The following SORL1 variants were observed in gnomAD, a reference collection of about 807,000 sequenced individuals.
SORL1 encodes sortilin-related receptor.
In SORL1, 127 loss-of-function variants were observed where a neutral mutation model predicts 273.7. The observed-to-expected ratio is 0.46, with a 90% CI of 0.40 to 0.54. The LOEUF (loss-of-function observed/expected upper bound fraction) is 0.54. Ranked by LOEUF, SORL1 falls within the 20% of genes least tolerant of loss-of-function variation. SORL1 has a pLI of 0.00. For synonymous variants in SORL1, 1,031 were observed against 1,067.4 expected, an observed-to-expected ratio of 0.97 and a Z score of 0.66; for missense variants, 2,494 against 2,846.1, an observed-to-expected ratio of 0.88 and a Z score of 2.81.
intron 1 of SORL1, among the ~76,000 whole-genome samples, chr11:121,466,954 A>G (rs1375174598): frequency 1.3e-5 from 2 of 152,184 alleles, no homozygotes; most frequent in Non-Finnish European, 2.9e-5. Flanking sequence ...TTCCTTAAAA[A>G]AAAGAAGAGA....
At chr11:121,553,753 C>T (rs780223283) in intron 16 of SORL1, among the ~76,000 whole-genome samples, 184 bp from the exon 17 acceptor site, 1 of 152,188 alleles carries the variant, frequency 6.6e-6, no homozygotes, top group East Asian at 1.9e-4. Flanking sequence ...AAGTAACTTG[C>T]CTGAGGCAGA....
chr11:121,573,620 A>G (rs1368968152), intron 23 of SORL1, among the ~76,000 whole-genome samples: 1 of 152,228 alleles, frequency 6.6e-6, no homozygotes, highest in Non-Finnish European at 1.5e-5. Flanking sequence ...CTCAAAAAAC[A>G]GAAAAACAAA....
intron 11 of SORL1, 105 bp from the exon 12 acceptor site, chr11:121,532,359 T>C (rs1862213933): frequency 1.1e-6 from 1 of 934,352 alleles, no homozygotes; most frequent in Non-Finnish European, 1.7e-6. Flanking sequence ...TTGTCATTGC[T>C]GTTATGTCTA....
rs541484548 is a variant in SORL1 at position 121,618,645 on chromosome 11, T to C, written c.5605-129T>C. On this transcript the variant is annotated intron_variant, in intron 41 of 47. Transcript: ENST00000260197. Reference sequence around the variant, plus strand: ...TTCTCTGTAAATGCTGTAAATGTAATAAATGTTGAATGAAGACTTCTCTGT... The same window carrying C: ...TTCTCTGTAAATGCTGTAAATGTAACAAATGTTGAATGAAGACTTCTCTGT... 84 of 1,121,524 alleles carry C rather than the reference T, an allele frequency of 7.5e-5. 1 individual carries two copies. In the Admixed American group the frequency reaches 1.7e-3, roughly 23 times the overall value. 69.5% of individuals were successfully genotyped at this position (1,121,524 alleles called of 1,614,324 possible).
chr11:121,566,274 A>G (rs1022651331), intron 21 of SORL1, among the ~76,000 whole-genome samples: 1 of 152,122 alleles, frequency 6.6e-6, no homozygotes, highest in African/African-American at 2.4e-5. Flanking sequence ...TAAAAAAAAA[A>G]TTATTCGGAA....
chr11:121,454,758 C>G (rs1027704456), intron 1 of SORL1, among the ~76,000 whole-genome samples: 5 of 152,210 alleles, frequency 3.3e-5, no homozygotes, highest in Non-Finnish European at 5.9e-5. Flanking sequence ...GGTGCAGACC[C>G]TTCAGAATGC....
At chr11:121,605,602 G>C in intron 35 of SORL1, 31 bp downstream of exon 35, 1 of 1,589,994 alleles carries the variant, frequency 6.3e-7, no homozygotes, top group Non-Finnish European at 8.6e-7. Flanking sequence ...TTATGGCATG[G>C]GTAAGACCTC....
At chr11:121,485,875 A>G (rs184832351) in intron 3 of SORL1, among the ~76,000 whole-genome samples, 234 of 152,316 alleles carry the variant, frequency 1.5e-3, no homozygotes, top group African/African-American at 5.2e-3. Context: ...TGATTTAATG[A>G]GGCTTCTGCA....
chr11:121,558,147 C>T (rs1862618755), intron 19 of SORL1, among the ~76,000 whole-genome samples: 1 of 152,172 alleles, frequency 6.6e-6, no homozygotes, highest in African/African-American at 2.4e-5. Flanking sequence ...ATCTTTAAAA[C>T]ACACACATAT....
intron 39 of SORL1, 95 bp downstream of exon 39, chr11:121,611,253 AAC>A: frequency 2.3e-6 from 2 of 863,874 alleles, no homozygotes; most frequent in Non-Finnish European, 3.7e-6. Context: ...AAAAACAAAA[AAC>A]AAAAAACAAA....
chr11:121,496,005 A>C (rs1412887755), intron 5 of SORL1, among the ~76,000 whole-genome samples: 2 of 152,210 alleles, frequency 1.3e-5, no homozygotes, highest in African/African-American at 4.8e-5. Context: ...TGATTCTAAA[A>C]AATCACCCAA....
intron 5 of SORL1, among the ~76,000 whole-genome samples, chr11:121,491,252 G>A (rs1408568061): frequency 1.3e-5 from 2 of 152,158 alleles, no homozygotes; most frequent in Non-Finnish European, 2.9e-5. Context: ...AAGCAATGAG[G>A]TACCCCTGTA....
At chr11:121,599,521 G>A (rs1863354056) in intron 32 of SORL1, among the ~76,000 whole-genome samples, 1 of 152,198 alleles carries the variant, frequency 6.6e-6, no homozygotes, top group African/African-American at 2.4e-5. Flanking sequence ...TCCAGCCTGG[G>A]CAACAAGAGC....
chr11:121,622,215 C>G lies in SORL1; in HGVS notation c.6118C>G (p.Leu2040Val). Residue 2040 changes from leucine (L) to valine (V), a missense_variant, in exon 45 of 48, where the codon CTT becomes GTT. Leu to Val is a conservative substitution (Grantham distance 32). This residue lies in a region of SORL1 where 1,609 missense variants were observed against 1,816.4 expected (regional missense o/e 0.89). Transcript: ENST00000260197. ...LKIITENDHV[L>V]LFWKSLALKE... The stretch of plus-strand genomic sequence containing the variant: ...AATCATAACAGAAAATGATCATGTT[C>G]TTCTGTTTTGGAAAAGCCTGGCTTT... 6.2e-7 allele frequency: 1 copy of G among 1,612,718 alleles called. No homozygotes were observed. The highest frequency in any genetic ancestry group is 2.2e-5 in the East Asian group (1 of 44,860).
intron 1 of SORL1, among the ~76,000 whole-genome samples, chr11:121,458,209 G>A (rs1860937868): frequency 6.6e-6 from 1 of 152,158 alleles, no homozygotes; most frequent in Non-Finnish European, 1.5e-5. Flanking sequence ...GTTTTGCTCA[G>A]GTGAATATTA....
At chr11:121,478,055 AAGAT>A in intron 2 of SORL1, 59 bp from the exon 3 acceptor site, 1 of 1,461,174 alleles carries the variant, frequency 6.8e-7, no homozygotes, top group African/African-American at 1.4e-5. Flanking sequence ...AAAAAAAAGA[AAGAT>A]CTTTCTGCCA....
In SORL1 at chr11:121,605,484, A is replaced by G. The variant is rs1354095926; in HGVS notation, c.4861A>G (p.Thr1621Ala). 1.2e-6 allele frequency: 2 copies of G among 1,614,144 alleles called. No individual in the cohort carries two copies. Among genetic ancestry groups the G allele is most frequent in the Non-Finnish European group, 1.7e-6 (2 of 1,179,990 alleles). ...NTVLKVLKPD[T>A]TYQVKVQVQC... is the part of the protein sequence containing the mutation. ...TGTATTAAAAGTCTTGAAACCAGAT[A>G]CCACGTATCAGGTTAAAGTACAGGT... Residue 1621 changes from threonine (T) to alanine (A), a missense_variant, in exon 35 of 48, where the codon ACC (threonine) becomes GCC (alanine). Physicochemically the swap from Thr to Ala is moderately conservative, Grantham distance 58. Coordinates refer to ENST00000260197, the MANE Select transcript of SORL1 (RefSeq NM_003105.6).
intron 6 of SORL1, among the ~76,000 whole-genome samples, chr11:121,509,987 A>G (rs1214759099): frequency 6.6e-6 from 1 of 152,208 alleles, no homozygotes; most frequent in East Asian, 1.9e-4. Flanking sequence ...TGACTTAATA[A>G]TTCTTCTAAG....
At chr11:121,620,961 T>G in intron 43 of SORL1, 103 bp from the exon 44 acceptor site, 1 of 810,972 alleles carries the variant, frequency 1.2e-6, no homozygotes. Flanking sequence ...CTTGTTGCTG[T>G]GGGTCCCAGC....
Sources: gnomAD v4.1 joint callset for allele counts (sites outside exome capture counted in the v4.1 genomes callset) on GRCh38, gnomAD v4.1.1 for gene constraint, gnomAD v4.1.1 regional missense constraint, MANE v1.5 for transcripts, NCBI Gene and HGNC (gene_info 2026-07-23, HGNC 2026-07-21) for gene names.